Variants in CTNNA2 observed in about 807,000 individuals in gnomAD.
CTNNA2 encodes catenin alpha 2.
Under a neutral mutation model 101.0 loss-of-function variants are expected in CTNNA2, and 42 were observed. The ratio of observed to expected loss-of-function variants is 0.42; its 90% CI spans 0.32 to 0.54. CTNNA2 has a LOEUF of 0.54. Among genes scored for constraint, CTNNA2 ranks in the 20% least tolerant of loss-of-function variants. The pLI is 0.14. For synonymous variants in CTNNA2, 450 were observed against 456.4 expected (o/e 0.99, Z 0.18); for missense variants, 871 against 1,223.1 (o/e 0.71, Z 4.29).
At chr2:80,482,173 A>ATCC (rs549114948) in intron 9 of CTNNA2, among the ~76,000 whole-genome samples, 79 of 152,096 alleles carry the variant, frequency 5.2e-4, no homozygotes, top group Middle Eastern at 3.4e-3. Flanking sequence ...TGGTGATCCA[A>ATCC]TCCTCCTCCT....
intron 7 of CTNNA2, among the ~76,000 whole-genome samples, chr2:80,145,621 A>G (rs1703285182): frequency 6.6e-6 from 1 of 152,196 alleles, no homozygotes; most frequent in Non-Finnish European, 1.5e-5. Flanking sequence ...AGAATATGGT[A>G]TGTGTCCTTC....
intron 7 of CTNNA2, among the ~76,000 whole-genome samples, chr2:80,392,296 A>G (rs917030251): frequency 1.3e-5 from 2 of 152,224 alleles, no homozygotes; most frequent in African/African-American, 4.8e-5. Flanking sequence ...CACTAGCACC[A>G]TAAATAAATC....
intron 7 of CTNNA2, among the ~76,000 whole-genome samples, chr2:80,079,382 C>G (rs1698966165): frequency 2.0e-5 from 3 of 152,188 alleles, no homozygotes; most frequent in Non-Finnish European, 4.4e-5. Context: ...ATTGGCCTGG[C>G]TGCCCCTGCA....
chr2:79,323,757 T>C (rs962236759), intron 3 of CTNNA2, among the ~76,000 whole-genome samples: 4 of 152,180 alleles, frequency 2.6e-5, no homozygotes, highest in Non-Finnish European at 4.4e-5. Context: ...GAAAGTCTTT[T>C]GGGTATAGGG....
At chr2:79,738,277 T>C (rs1034901944) in intron 2 of CTNNA2, among the ~76,000 whole-genome samples, 3 of 152,186 alleles carry the variant, frequency 2.0e-5, no homozygotes, top group African/African-American at 7.2e-5. Flanking sequence ...CTTACACTCT[T>C]ACCTGTGACC....
In CTNNA2 at chr2:79,287,860, T is replaced by A. The variant is rs111572345; in HGVS notation, c.-405-24849T>A. Among the ~76,000 whole-genome samples, 703 of 152,324 alleles carry A rather than the reference T, an allele frequency of 4.6e-3. 5 individuals are homozygous for A. Among genetic ancestry groups the A allele is most frequent in the African/African-American group, 0.016 (666 of 41,586 alleles). ...CCCTCCCCCAGCCTCGCTGCCACCT[T>A]GCAGTTTGATCTCAGACTGCTGTGC... On this transcript the variant is annotated intron_variant, in intron 2 of 21. Transcript: ENST00000466387.
chr2:79,982,374 TAA>T (rs1304207789), intron 7 of CTNNA2, among the ~76,000 whole-genome samples: 1 of 42,898 alleles, frequency 2.3e-5, no homozygotes. Flanking sequence ...AACATATATA[TAA>T]CATATATAAC....
intron 8 of CTNNA2, among the ~76,000 whole-genome samples, chr2:80,398,476 G>A (rs1389439570): frequency 6.6e-6 from 1 of 152,096 alleles, no homozygotes; most frequent in Non-Finnish European, 1.5e-5. Flanking sequence ...TCAAGCTGCT[G>A]TGGAAACATG....
At chr2:79,862,982 T>C (rs2103979415) in intron 4 of CTNNA2, among the ~76,000 whole-genome samples, 1 of 152,200 alleles carries the variant, frequency 6.6e-6, no homozygotes, top group Admixed American at 6.5e-5. Flanking sequence ...AAAACCAGGT[T>C]TTTCTTTCTT....
Position 80,356,871 on chromosome 2 carries a change from A to G in CTNNA2, c.1057-36340A>G, listed in dbSNP as rs182919912. 2.9e-3 allele frequency among the ~76,000 whole-genome samples: 440 copies of G among 152,304 alleles called. 7 individuals carry two copies. Among genetic ancestry groups the G allele is most frequent in the Non-Finnish European group, 1.2e-3 (84 of 68,024 alleles). On this transcript the variant is annotated intron_variant, in intron 7 of 18. Transcript: ENST00000402739. ...GGTACTTGTGTATGGCTGAATCAAA[A>G]TACCTTTTGGTATCAAGTATAAAAT...
At chr2:79,737,727 G>T (rs1013295288) in intron 2 of CTNNA2, among the ~76,000 whole-genome samples, 1 of 152,202 alleles carries the variant, frequency 6.6e-6, no homozygotes, top group Non-Finnish European at 1.5e-5. Flanking sequence ...TGGAGTATCA[G>T]TGTGCTAAAG....
intron 7 of CTNNA2, among the ~76,000 whole-genome samples, chr2:80,108,174 A>T (rs1701004492): frequency 6.6e-6 from 1 of 152,214 alleles, no homozygotes; most frequent in South Asian, 2.1e-4. Context: ...CTAGTAGTGG[A>T]ATATCAAATA....
intron 2 of CTNNA2, among the ~76,000 whole-genome samples, chr2:79,652,102 G>A (rs746722960): frequency 2.6e-4 from 40 of 152,102 alleles, no homozygotes; most frequent in Non-Finnish European, 4.4e-4. Flanking sequence ...TTTTTGTGTT[G>A]TCACAGTTGT....
chr2:79,287,504 G>A (rs995351637), intron 2 of CTNNA2, among the ~76,000 whole-genome samples: 5 of 151,526 alleles, frequency 3.3e-5, no homozygotes, highest in South Asian at 2.1e-4. Flanking sequence ...GTCTATTGGA[G>A]TACCCGGCCG....
At chr2:80,009,825 T>G (rs189835740) in intron 7 of CTNNA2, among the ~76,000 whole-genome samples, 2 of 152,122 alleles carry the variant, frequency 1.3e-5, no homozygotes, top group South Asian at 2.1e-4. Context: ...GTCTAACTTC[T>G]TAAGCCATGA....
chr2:80,072,000 A>T (rs1045748671), intron 7 of CTNNA2, among the ~76,000 whole-genome samples: 10 of 152,178 alleles, frequency 6.6e-5, no homozygotes, highest in African/African-American at 2.4e-4. Flanking sequence ...TGGCAAGGGG[A>T]TCTTACATAT....
At chr2:80,565,870 G>A (rs1694013724) in intron 12 of CTNNA2, among the ~76,000 whole-genome samples, 1 of 151,970 alleles carries the variant, frequency 6.6e-6, no homozygotes, top group South Asian at 2.1e-4. Context: ...AACCCTGAAG[G>A]GCAATGATCA....
At chr2:80,045,775 T>G (rs912256246) in intron 7 of CTNNA2, among the ~76,000 whole-genome samples, 1 of 152,146 alleles carries the variant, frequency 6.6e-6, no homozygotes, top group Non-Finnish European at 1.5e-5. Flanking sequence ...GGCTTAGAAA[T>G]ATATCTGAGT....
At chr2:80,393,115 G>T in intron 7 of CTNNA2, 96 bp from the exon 8 acceptor site, 1 of 893,526 alleles carries the variant, frequency 1.1e-6, no homozygotes. Context: ...AAAATTGTTT[G>T]AATTTAACTT....
Sources: gnomAD v4.1 joint callset for allele counts (sites outside exome capture counted in the v4.1 genomes callset) on GRCh38, gnomAD v4.1.1 for gene constraint, MANE v1.5 for transcripts, NCBI Gene and HGNC (gene_info 2026-07-23, HGNC 2026-07-21) for gene names.